Variants in RAB3IP observed in about 807,000 individuals in gnomAD.
The protein encoded by RAB3IP is RAB3A interacting protein.
A neutral mutation model predicts 59.1 loss-of-function variants in RAB3IP; 36 were observed. The ratio of observed to expected loss-of-function variants is 0.61; its 90% confidence interval spans 0.47 to 0.80. RAB3IP has a LOEUF of 0.80. Ranked by LOEUF, RAB3IP falls within the 30% of genes least tolerant of loss-of-function variation. The pLI, the probability that RAB3IP is intolerant of heterozygous loss-of-function variation, is 0.00. For synonymous variants in RAB3IP, 207 were observed against 191.2 expected, an observed-to-expected ratio of 1.08 and a Z score of -0.68; for missense variants, 511 against 536.0, an observed-to-expected ratio of 0.95 and a Z score of 0.46.
intron 1 of RAB3IP, among the ~76,000 whole-genome samples, chr12:69,748,638 A>G (rs1485793228): frequency 1.3e-5 from 2 of 152,178 alleles, no homozygotes; most frequent in African/African-American, 2.4e-5. Context: ...TTGGTGATTC[A>G]CCCATAAGAA....
In RAB3IP at chr12:69,811,788, T is replaced by C. The variant is rs764052985; in HGVS notation, c.1131-990T>C. On this transcript the variant is annotated intron_variant, in intron 8 of 10. Coordinates refer to ENST00000247833, the MANE Select transcript of RAB3IP (RefSeq NM_022456.5). ...TCCTCAAAAATTATCCTGTTTCAAA[T>C]ACACATTGTTGTGTGTTTTCTTAAT... Among the ~76,000 whole-genome samples the C allele has an allele frequency of 7.9e-5, 12 of 152,366 alleles. No individual in the cohort carries two copies. The Middle Eastern group carries it at 0.01, about 130-fold the overall frequency.
chr12:69,772,862 T>G (rs1212134682), intron 3 of RAB3IP, among the ~76,000 whole-genome samples: 1 of 152,220 alleles, frequency 6.6e-6, no homozygotes, highest in Non-Finnish European at 1.5e-5. Context: ...ATTCTGAATT[T>G]GTCTGTTTAC....
At chr12:69,749,234 T>C (rs1416739989) in intron 1 of RAB3IP, among the ~76,000 whole-genome samples, 2 of 152,192 alleles carry the variant, frequency 1.3e-5, no homozygotes, top group East Asian at 3.9e-4. Context: ...TAGATTCTCA[T>C]AGGAGTGCGA....
chr12:69,747,840 G>A (rs997243116), intron 1 of RAB3IP, among the ~76,000 whole-genome samples: 2 of 152,154 alleles, frequency 1.3e-5, no homozygotes, highest in Non-Finnish European at 2.9e-5. Flanking sequence ...GCTCAGATAA[G>A]TTACCTGCCC....
intron 8 of RAB3IP, among the ~76,000 whole-genome samples, chr12:69,804,199 T>G (rs1444089238): frequency 2.6e-5 from 4 of 152,236 alleles, no homozygotes; most frequent in Non-Finnish European, 5.9e-5. Flanking sequence ...TTCTAACTGG[T>G]GTGAGATGGT....
chr12:69,767,648 G>A (rs2136163946), intron 3 of RAB3IP, among the ~76,000 whole-genome samples: 1 of 152,328 alleles, frequency 6.6e-6, no homozygotes, highest in Non-Finnish European at 1.5e-5. Context: ...CCAGGTGCCT[G>A]GAGGTCTGCC....
chr12:69,739,098 C>G (rs1668660093), intron 1 of RAB3IP, 67 bp downstream of exon 1: 1 of 152,106 alleles, frequency 6.6e-6, no homozygotes, highest in African/African-American at 2.4e-5. Context: ...GCCCGCGCGC[C>G]CGCCTCTGGC....
chr12:69,747,947 T>A (rs1868596632), intron 1 of RAB3IP, among the ~76,000 whole-genome samples: 1 of 152,218 alleles, frequency 6.6e-6, no homozygotes, highest in African/African-American at 2.4e-5. Flanking sequence ...ATTACCTCCT[T>A]TGTTGGAAAT....
chr12:69,755,260 C>T (rs1592459969), intron 1 of RAB3IP, 124 bp from the exon 2 acceptor site: 1 of 881,516 alleles, frequency 1.1e-6, no homozygotes. Flanking sequence ...TTAAAAAAAG[C>T]CTCTTTTATT....
intron 5 of RAB3IP, 121 bp downstream of exon 5, chr12:69,794,635 TACAGAAAA>T: frequency 2.8e-6 from 2 of 702,848 alleles, no homozygotes; most frequent in Non-Finnish European, 4.6e-6. Context: ...ATTTGGAAAC[TACAGAAAA>T]ATAGAAGAAA....
chr12:69,794,319 C>T (rs1877105851), intron 4 of RAB3IP, 118 bp from the exon 5 acceptor site: 3 of 741,884 alleles, frequency 4.0e-6, no homozygotes, highest in Admixed American at 5.1e-5. Flanking sequence ...ACATTGAATA[C>T]TTAACTTCAG....
chr12:69,819,672 A>G lies in RAB3IP; in HGVS notation c.*4226A>G, dbSNP rs1881493583. 1.3e-5 allele frequency: 2 copies of G among 152,256 alleles called. No individual in the cohort carries two copies. Among genetic ancestry groups the G allele is most frequent in the Admixed American group, 6.5e-5 (1 of 15,278 alleles). The allele number at this position is 152,256 out of a possible 1,614,324, so 9.4% of individuals were successfully genotyped here. On this transcript the variant is annotated 3_prime_UTR_variant, in exon 11 of 11. Coordinates refer to ENST00000247833, the MANE Select transcript of RAB3IP (RefSeq NM_022456.5). ...TGATTATGTTCAGGAGAGTGTTTCT[A>G]CGCTGAATTTAATTGCCAAGATTAC...
At chr12:69,765,380 CCT>C (rs991639954) in intron 3 of RAB3IP, among the ~76,000 whole-genome samples, 4 of 152,156 alleles carry the variant, frequency 2.6e-5, no homozygotes, top group South Asian at 2.1e-4. Context: ...GCTTTTTCCA[CCT>C]CTGTTGAGAT....
At chr12:69,740,775 GA>G (rs541367475) in intron 1 of RAB3IP, among the ~76,000 whole-genome samples, 165 of 152,244 alleles carry the variant, frequency 1.1e-3, no homozygotes, top group African/African-American at 3.6e-3. Context: ...TTTTAAAATG[GA>G]AAGGTTCTTA....
chr12:69,811,042 C>T (rs1472401355), intron 8 of RAB3IP, among the ~76,000 whole-genome samples: 3 of 152,142 alleles, frequency 2.0e-5, no homozygotes, highest in East Asian at 1.9e-4. Context: ...CCATGGAATA[C>T]TATACAGCCA....
intron 3 of RAB3IP, among the ~76,000 whole-genome samples, chr12:69,771,081 T>A (rs1873033161): frequency 6.6e-6 from 1 of 152,214 alleles, no homozygotes; most frequent in Non-Finnish European, 1.5e-5. Context: ...TTTTTTAGAT[T>A]TCACATATGA....
At chr12:69,771,854 T>C (rs1251777479) in intron 3 of RAB3IP, among the ~76,000 whole-genome samples, 1 of 152,244 alleles carries the variant, frequency 6.6e-6, no homozygotes, top group African/African-American at 2.4e-5. Context: ...GTTGAGATGA[T>C]ACCTCATGGT....
At chr12:69,782,398 C>T (rs1430371487) in intron 3 of RAB3IP, among the ~76,000 whole-genome samples, 2 of 152,140 alleles carry the variant, frequency 1.3e-5, no homozygotes, top group Non-Finnish European at 2.9e-5. Flanking sequence ...CTCCTGACCT[C>T]GTGATCCGCC....
Position 69,755,412 on chromosome 12 carries a change from G to A in RAB3IP, c.4G>A (p.Ala2Thr). 1 of 1,613,806 alleles carries A rather than the reference G, an allele frequency of 6.2e-7. No homozygotes were observed. Among genetic ancestry groups the A allele is most frequent in the South Asian group, 1.1e-5 (1 of 91,054 alleles). The change falls in exon 2 of 11, where the codon GCT becomes ACT. Residue 2 changes from alanine (A) to threonine (T), a missense_variant. Physicochemically the swap from Ala to Thr is moderately conservative, Grantham distance 58 (BLOSUM62 0). Coordinates refer to ENST00000247833, the MANE Select transcript of RAB3IP (RefSeq NM_022456.5). The stretch of plus-strand genomic sequence containing the variant: ...ATCTTATGATGAGGCTTTTGCTATG[G>A]CTAATGATCCCTTGGAAGGCTTCCA... M[A>T]NDPLEGFHEV...
Sources: gnomAD v4.1 joint callset for allele counts (sites outside exome capture counted in the v4.1 genomes callset) on GRCh38, gnomAD v4.1.1 for gene constraint, MANE v1.5 for transcripts, NCBI Gene and HGNC (gene_info 2026-07-23, HGNC 2026-07-21) for gene names.